SNTG1: variants seen among roughly 807,000 people sequenced by gnomAD.
The protein encoded by SNTG1 is gamma-1-syntrophin.
In SNTG1, 39 loss-of-function variants were observed where a neutral mutation model predicts 74.7. That is an observed-to-expected ratio of 0.52 (90% CI 0.40 to 0.68). The LOEUF (loss-of-function observed/expected upper bound fraction) is 0.68. Among genes scored for constraint, SNTG1 ranks in the 30% least tolerant of loss-of-function variants. The pLI, the probability that SNTG1 is intolerant of heterozygous loss-of-function variation, is 0.00. For missense variants in SNTG1, 685 were observed against 609.5 expected (o/e 1.12, Z -1.30); for synonymous variants, 254 against 217.1 (o/e 1.17, Z -1.49).
intron 15 of SNTG1, among the ~76,000 whole-genome samples, chr8:50,683,529 A>G (rs374157942): frequency 5.9e-5 from 9 of 152,300 alleles, no homozygotes; most frequent in East Asian, 5.8e-4. Context: ...AACACATTTT[A>G]TGAGAGGTTT....
At chr8:50,337,152 T>C (rs2091169448) in intron 2 of SNTG1, among the ~76,000 whole-genome samples, 1 of 152,192 alleles carries the variant, frequency 6.6e-6, no homozygotes, top group South Asian at 2.1e-4. Flanking sequence ...TGTCACTGTC[T>C]TCTCTGCATC....
chr8:50,570,585 ATTGTTG>A (rs151244285), intron 12 of SNTG1, among the ~76,000 whole-genome samples: 28 of 127,114 alleles, frequency 2.2e-4, no homozygotes, highest in Admixed American at 8.2e-4. Flanking sequence ...TATTATTATT[ATTGTTG>A]TTATTATTAT....
At chr8:49,996,570 T>A (rs318869) in intron 1 of SNTG1, among the ~76,000 whole-genome samples, 118,609 of 151,964 alleles carry the variant, frequency 0.78, 46,426 homozygotes, top group East Asian at 0.83. Flanking sequence ...TACTTTCTAA[T>A]AGGACTTCTT....
At chr8:50,629,957 A>G (rs925886770) in intron 13 of SNTG1, among the ~76,000 whole-genome samples, 2 of 152,188 alleles carry the variant, frequency 1.3e-5, no homozygotes, top group African/African-American at 4.8e-5. Context: ...TACCTAGGCC[A>G]GGGCCTATGC....
intron 2 of SNTG1, among the ~76,000 whole-genome samples, chr8:50,283,961 A>C (rs1375943): frequency 0.59 from 89,969 of 151,938 alleles, 29,306 homozygotes; most frequent in East Asian, 0.85. Context: ...AATTACTATA[A>C]ATTGTTGGTA....
chr8:50,375,309 G>A (rs1444095258), intron 2 of SNTG1, among the ~76,000 whole-genome samples: 4 of 152,104 alleles, frequency 2.6e-5, no homozygotes, highest in African/African-American at 9.7e-5. Context: ...TCTGGCTGGT[G>A]TGCTGGGGCA....
intron 1 of SNTG1, among the ~76,000 whole-genome samples, chr8:49,937,149 AAAACAAACAAAC>A (rs373900527): frequency 6.6e-6 from 1 of 151,964 alleles, no homozygotes; most frequent in African/African-American, 2.4e-5. Flanking sequence ...ACTCCGTCTC[AAAACAAACAAAC>A]AAACAAATAA....
intron 1 of SNTG1, among the ~76,000 whole-genome samples, chr8:50,137,953 CTG>C (rs1318199549): frequency 6.6e-6 from 1 of 152,184 alleles, no homozygotes. Flanking sequence ...GGGCTAGTCT[CTG>C]TGTCCTGAGT....
chr8:49,981,556 A>C (rs914365944), intron 1 of SNTG1, among the ~76,000 whole-genome samples: 5 of 152,224 alleles, frequency 3.3e-5, no homozygotes, highest in Admixed American at 6.5e-5. Context: ...GTTTTAGTCT[A>C]TCCTGTATTA....
intron 1 of SNTG1, among the ~76,000 whole-genome samples, chr8:50,031,561 C>G (rs1460298833): frequency 6.6e-6 from 1 of 151,928 alleles, no homozygotes; most frequent in East Asian, 1.9e-4. Context: ...TTGGCAAATA[C>G]TTTTTTCCAC....
chr8:50,195,297 C>G (rs2083723448), intron 2 of SNTG1, among the ~76,000 whole-genome samples: 2 of 151,966 alleles, frequency 1.3e-5, no homozygotes, highest in African/African-American at 4.8e-5. Context: ...CCGTGACCCC[C>G]ACAAGAACCC....
rs553948788 is a variant in SNTG1 at position 50,524,508 on chromosome 8, A to G, written c.467-5669A>G. 3.3e-5 allele frequency among the ~76,000 whole-genome samples: 5 copies of G among 152,262 alleles called. No individual in the cohort carries two copies. The East Asian group carries it at 9.6e-4, about 29-fold the overall frequency. Reference sequence around the variant, plus strand: ...ACTGATAACTCCATGTCAATCACATACACTGCCTTATAAATACAACTTGTT... The same window carrying G: ...ACTGATAACTCCATGTCAATCACATGCACTGCCTTATAAATACAACTTGTT... On this transcript the variant is annotated intron_variant, in intron 9 of 18. Transcript: ENST00000642720.
chr8:50,142,746 C>T (rs1420405414), intron 1 of SNTG1, among the ~76,000 whole-genome samples: 1 of 152,076 alleles, frequency 6.6e-6, no homozygotes, highest in Non-Finnish European at 1.5e-5. Flanking sequence ...TAAAACCTCT[C>T]ACTGAAATTT....
intron 12 of SNTG1, among the ~76,000 whole-genome samples, chr8:50,586,006 C>T (rs1169617401): frequency 6.6e-6 from 1 of 152,126 alleles, no homozygotes; most frequent in African/African-American, 2.4e-5. Context: ...TATGAGAAAG[C>T]ATCAATGGAT....
chr8:49,989,946 C>A (rs1206583577), intron 1 of SNTG1, among the ~76,000 whole-genome samples: 1 of 151,838 alleles, frequency 6.6e-6, no homozygotes, highest in African/African-American at 2.4e-5. Flanking sequence ...CAAAAGTAAA[C>A]TTTCTCAATT....
intron 1 of SNTG1, among the ~76,000 whole-genome samples, chr8:50,108,767 T>G (rs759088853): frequency 4.5e-4 from 68 of 152,288 alleles, no homozygotes; most frequent in Non-Finnish European, 8.4e-4. Context: ...AGTCATACAG[T>G]GGCCTGAACA....
At chr8:49,963,857 T>C (rs746976755) in intron 1 of SNTG1, among the ~76,000 whole-genome samples, 3 of 152,266 alleles carry the variant, frequency 2.0e-5, no homozygotes, top group Non-Finnish European at 4.4e-5. Flanking sequence ...AACGTGTTTG[T>C]AAATCTTTTC....
intron 2 of SNTG1, among the ~76,000 whole-genome samples, chr8:50,324,314 T>C (rs1195798595): frequency 6.6e-6 from 1 of 152,198 alleles, no homozygotes; most frequent in Non-Finnish European, 1.5e-5. Context: ...ACAGATTCTG[T>C]CTCCACAGTG....
intron 2 of SNTG1, among the ~76,000 whole-genome samples, chr8:50,261,506 T>C (rs956080672): frequency 1.3e-5 from 2 of 152,130 alleles, no homozygotes; most frequent in African/African-American, 4.8e-5. Context: ...ATTTTTTTTA[T>C]TCTTAGTTGA....
Sources: allele counts gnomAD v4.1 joint callset (sites outside exome capture counted in the v4.1 genomes callset), GRCh38; gene constraint gnomAD v4.1.1; transcripts MANE v1.5; gene names NCBI Gene and HGNC (gene_info 2026-07-23, HGNC 2026-07-21).